Variants in UBE2E2 observed in about 807,000 individuals in gnomAD.
UBE2E2 encodes ubiquitin-conjugating enzyme E2 E2.
In UBE2E2, 6 loss-of-function variants were observed where a neutral mutation model predicts 24.7. That is an observed-to-expected ratio of 0.24 (90% CI 0.13 to 0.48). The LOEUF (loss-of-function observed/expected upper bound fraction) is 0.48, where lower values mean the gene tolerates loss of function less well. Among genes scored for constraint, UBE2E2 ranks in the 20% least tolerant of loss-of-function variants. UBE2E2 has a pLI of 0.99. For missense variants in UBE2E2, 169 were observed against 245.0 expected (o/e 0.69, Z 2.07); for synonymous variants, 104 against 83.6 (o/e 1.24, Z -1.33).
At chr3:23,356,330 G>T (rs936353661) in intron 3 of UBE2E2, among the ~76,000 whole-genome samples, 19 of 152,192 alleles carry the variant, frequency 1.2e-4, no homozygotes, top group Non-Finnish European at 2.2e-4. Context: ...TTGTGAAATA[G>T]ACAAATATTT....
At chr3:23,368,491 T>G (rs772472376) in intron 3 of UBE2E2, among the ~76,000 whole-genome samples, 1 of 152,196 alleles carries the variant, frequency 6.6e-6, no homozygotes, top group African/African-American at 2.4e-5. Context: ...CACTATGTCT[T>G]TCTTTGGTTT....
At chr3:23,313,993 G>GCTT (rs1694496802) in intron 3 of UBE2E2, among the ~76,000 whole-genome samples, 1 of 152,162 alleles carries the variant, frequency 6.6e-6, no homozygotes, top group Non-Finnish European at 1.5e-5. Context: ...ACTGAAGACA[G>GCTT]CTTAACACTG....
chr3:23,224,352 T>G (rs1189216279), intron 3 of UBE2E2, among the ~76,000 whole-genome samples: 1 of 151,952 alleles, frequency 6.6e-6, no homozygotes, highest in Non-Finnish European at 1.5e-5. Context: ...TTTTATAGTT[T>G]TCTTTGTATG....
intron 3 of UBE2E2, among the ~76,000 whole-genome samples, chr3:23,350,611 T>G (rs989883913): frequency 6.6e-6 from 1 of 152,206 alleles, no homozygotes; most frequent in Non-Finnish European, 1.5e-5. Flanking sequence ...GGAGCCGATG[T>G]GATCAACTGG....
chr3:23,450,625 T>C (rs912443325), intron 3 of UBE2E2, among the ~76,000 whole-genome samples: 3 of 152,202 alleles, frequency 2.0e-5, no homozygotes, highest in Non-Finnish European at 4.4e-5. Flanking sequence ...TATGTAGTTT[T>C]AGTTACCTTA....
intron 3 of UBE2E2, among the ~76,000 whole-genome samples, chr3:23,340,814 T>C (rs1302522112): frequency 1.3e-5 from 2 of 152,160 alleles, no homozygotes; most frequent in African/African-American, 4.8e-5. Flanking sequence ...ATGGTCATGT[T>C]AAGTAGGATC....
At chr3:23,359,395 A>G (rs906562391) in intron 3 of UBE2E2, among the ~76,000 whole-genome samples, 10 of 152,238 alleles carry the variant, frequency 6.6e-5, no homozygotes, top group African/African-American at 2.4e-4. Flanking sequence ...TCCTCAGGCC[A>G]GATATGAATG....
At chr3:23,509,325 G>T (rs1301962432) in intron 4 of UBE2E2, among the ~76,000 whole-genome samples, 1 of 152,148 alleles carries the variant, frequency 6.6e-6, no homozygotes, top group Non-Finnish European at 1.5e-5. Flanking sequence ...CTGTAAATTT[G>T]AAAACAAATT....
chr3:23,296,031 A>G (rs866165011), intron 3 of UBE2E2, among the ~76,000 whole-genome samples: 2 of 152,206 alleles, frequency 1.3e-5, no homozygotes, highest in South Asian at 2.1e-4. Flanking sequence ...CATAGCTTCA[A>G]ACATTTCTAA....
chr3:23,404,278 T>G (rs1440363885), intron 3 of UBE2E2, among the ~76,000 whole-genome samples: 1 of 152,202 alleles, frequency 6.6e-6, no homozygotes, highest in Non-Finnish European at 1.5e-5. Flanking sequence ...TTTATATGAC[T>G]GCAATAAGAT....
intron 3 of UBE2E2, chr3:23,323,506 C>A (rs1266246117): frequency 6.9e-6 from 3 of 435,744 alleles, no homozygotes; most frequent in Non-Finnish European, 4.6e-6. Context: ...TAATTCACAA[C>A]TTTTTCAGCA....
At chr3:23,353,590 T>C (rs1431908969) in intron 3 of UBE2E2, among the ~76,000 whole-genome samples, 4 of 152,068 alleles carry the variant, frequency 2.6e-5, no homozygotes, top group African/African-American at 9.7e-5. Context: ...TATACACCAA[T>C]AGCAGACAAA....
At chr3:23,395,452 T>C (rs1382204558) in intron 3 of UBE2E2, among the ~76,000 whole-genome samples, 1 of 152,198 alleles carries the variant, frequency 6.6e-6, no homozygotes, top group Non-Finnish European at 1.5e-5. Flanking sequence ...TATGGAACAT[T>C]AATATAAGCT....
intron 3 of UBE2E2, among the ~76,000 whole-genome samples, chr3:23,351,830 CAG>C (rs1695761870): frequency 6.6e-6 from 1 of 152,124 alleles, no homozygotes; most frequent in Non-Finnish European, 1.5e-5. Context: ...ATCAACGAGA[CAG>C]AAAGTTAACA....
chr3:23,523,418 AAGGTC>A (rs1158343314), intron 4 of UBE2E2, among the ~76,000 whole-genome samples: 1 of 152,218 alleles, frequency 6.6e-6, no homozygotes. Flanking sequence ...CTGTGGCATA[AAGGTC>A]TTTTGTTTTA....
chr3:23,457,620 G>T (rs1167132318), intron 3 of UBE2E2, among the ~76,000 whole-genome samples: 1 of 152,078 alleles, frequency 6.6e-6, no homozygotes, highest in Non-Finnish European at 1.5e-5. Context: ...AACCTCCCAG[G>T]CTCAAGCTCC....
intron 4 of UBE2E2, among the ~76,000 whole-genome samples, chr3:23,509,394 A>G (rs1408750850): frequency 6.6e-6 from 1 of 152,170 alleles, no homozygotes; most frequent in Non-Finnish European, 1.5e-5. Flanking sequence ...GTGTGATGAA[A>G]AAAAGTATAA....
At chr3:23,253,367 T>G (rs140078492) in intron 3 of UBE2E2, among the ~76,000 whole-genome samples, 1 of 152,282 alleles carries the variant, frequency 6.6e-6, no homozygotes, top group Non-Finnish European at 1.5e-5. Context: ...TAAATGGGCA[T>G]AGTACACAAA....
chr3:23,467,510 C>T (rs1698946588), intron 3 of UBE2E2, among the ~76,000 whole-genome samples: 2 of 152,168 alleles, frequency 1.3e-5, no homozygotes, highest in Admixed American at 1.3e-4. Flanking sequence ...ACAAACTGAA[C>T]ATGGGCCTAA....
Sources: gnomAD v4.1 joint callset for allele counts (sites outside exome capture counted in the v4.1 genomes callset) on GRCh38, gnomAD v4.1.1 for gene constraint, MANE v1.5 for transcripts, NCBI Gene and HGNC (gene_info 2026-07-23, HGNC 2026-07-21) for gene names.